Variants in TRIM9 observed in about 807,000 individuals in gnomAD.
TRIM9 encodes the protein tripartite motif containing 9, also known as E3 ubiquitin-protein ligase TRIM9.
In TRIM9, 26 loss-of-function variants were observed where a neutral mutation model predicts 78.3. The ratio of observed to expected loss-of-function variants is 0.33; its 90% CI spans 0.24 to 0.46. The LOEUF is 0.46. Among genes scored for constraint, TRIM9 ranks in the 20% least tolerant of loss-of-function variants. The pLI is 1.00. For synonymous variants in TRIM9, 398 were observed against 416.5 expected, an observed-to-expected ratio of 0.96 and a Z score of 0.54; for missense variants, 787 against 1,036.4, an observed-to-expected ratio of 0.76 and a Z score of 3.30.
chr14:50,980,093 G>A (rs913195339), intron 11 of TRIM9, among the ~76,000 whole-genome samples: 7 of 152,168 alleles, frequency 4.6e-5, no homozygotes, highest in African/African-American at 1.7e-4. Flanking sequence ...TGGATTTGGG[G>A]CCTTATGTTA....
At chr14:51,053,769 C>T (rs1488991519) in intron 1 of TRIM9, among the ~76,000 whole-genome samples, 1 of 148,748 alleles carries the variant, frequency 6.7e-6, no homozygotes, top group African/African-American at 2.6e-5. Context: ...CACCACAGTC[C>T]CCAGAGTGTG....
intron 1 of TRIM9, among the ~76,000 whole-genome samples, chr14:51,062,257 CCTGT>C (rs1335359187): frequency 1.3e-5 from 2 of 152,080 alleles, no homozygotes; most frequent in African/African-American, 4.8e-5. Flanking sequence ...TTTTGAAATG[CCTGT>C]CTGTCTGATA....
chr14:50,977,043 T>TG lies in TRIM9; in HGVS notation c.*247dup. 2.8e-6 allele frequency: 1 copy of TG among 351,156 alleles called. No homozygotes were observed. Among genetic ancestry groups the TG allele is most frequent in the Non-Finnish European group, 5.1e-6 (1 of 196,008 alleles). 21.8% of individuals were successfully genotyped at this position (351,156 alleles called of 1,614,324 possible). The stretch of plus-strand genomic sequence containing the variant: ...TGGGAGTGGGAACCAAGTGACTTGG[T>TG]GGGCTGTCTAGGTCCTTTGTTGGTT... On this transcript the variant is annotated 3_prime_UTR_variant, in exon 13 of 13. Coordinates refer to ENST00000684578, the MANE Select transcript of TRIM9 (RefSeq NM_001387360.1).
Position 50,983,414 on chromosome 14 carries a change from A to T in TRIM9, c.1800T>A (p.Asn600Lys), listed in dbSNP as rs1004022225. 2.0e-5 allele frequency: 31 copies of T among 1,543,442 alleles called. No homozygotes were observed. The highest frequency in any genetic ancestry group is 2.5e-5 in the Non-Finnish European group (29 of 1,143,096). Residue 600 changes from asparagine (N) to lysine (K), a missense_variant, in exon 9 of 13, where the codon AAT becomes AAA. Asn to Lys is a moderately conservative substitution (Grantham distance 94). Coordinates refer to ENST00000684578, the MANE Select transcript of TRIM9 (RefSeq NM_001387360.1). ...AGTAAGGTGCAGATTGTGTCTCAAA[A>T]TTGCATCCTATAAAGAGATACTACA... ...SLQSLNAPGC[N>K]FETQSAPYSQ...
intron 11 of TRIM9, 117 bp downstream of exon 11, chr14:50,981,683 G>T: frequency 7.4e-7 from 1 of 1,349,996 alleles, no homozygotes; most frequent in Non-Finnish European, 1.0e-6. Flanking sequence ...GCTACTTAAT[G>T]TAGACCACCT....
chr14:51,076,398 T>A (rs2062785122), intron 1 of TRIM9, among the ~76,000 whole-genome samples: 1 of 152,212 alleles, frequency 6.6e-6, no homozygotes. Flanking sequence ...AGGCACTGTG[T>A]CTTTGGCTGC....
intron 1 of TRIM9, among the ~76,000 whole-genome samples, chr14:51,044,876 C>G (rs1040329045): frequency 6.6e-5 from 10 of 152,168 alleles, no homozygotes; most frequent in African/African-American, 1.9e-4. Flanking sequence ...TTTCTGTCGG[C>G]AGTCATTTTT....
intron 1 of TRIM9, among the ~76,000 whole-genome samples, chr14:51,042,531 T>C (rs918036673): frequency 2.6e-5 from 4 of 152,336 alleles, no homozygotes; most frequent in South Asian, 2.1e-4. Flanking sequence ...AAGAAGTAAT[T>C]TTCATTAATG....
chr14:51,076,718 A>G (rs1177925233), intron 1 of TRIM9, among the ~76,000 whole-genome samples: 2 of 152,182 alleles, frequency 1.3e-5, no homozygotes, highest in African/African-American at 4.8e-5. Flanking sequence ...CATCTTCGCA[A>G]CAGTCCTTGG....
intron 1 of TRIM9, among the ~76,000 whole-genome samples, chr14:51,047,939 G>A (rs1404310120): frequency 4.1e-5 from 6 of 144,912 alleles, no homozygotes; most frequent in African/African-American, 1.3e-4. Context: ...CAACCTGGGC[G>A]ATACTGTGAG....
chr14:50,981,695 T>C (rs10150121), intron 11 of TRIM9, 105 bp downstream of exon 11: 589,769 of 1,448,518 alleles, frequency 0.41, 126,016 homozygotes, highest in African/African-American at 0.78. Flanking sequence ...AGACCACCTG[T>C]TTGATTTCCT....
intron 1 of TRIM9, among the ~76,000 whole-genome samples, chr14:51,081,903 C>T (rs188705668): frequency 2.7e-4 from 41 of 152,318 alleles, no homozygotes; most frequent in Middle Eastern, 3.4e-3. Flanking sequence ...TGTTCTCTAA[C>T]CTGGAAACTT....
At chr14:50,983,090 T>C in intron 9 of TRIM9, 125 bp from the exon 10 acceptor site, 3 of 899,906 alleles carry the variant, frequency 3.3e-6, no homozygotes, top group Non-Finnish European at 5.2e-6. Context: ...ATGCCACATA[T>C]ACTAAACAGG....
At chr14:51,016,705 T>A (rs1319098008) in intron 3 of TRIM9, among the ~76,000 whole-genome samples, 1 of 152,082 alleles carries the variant, frequency 6.6e-6, no homozygotes, top group African/African-American at 2.4e-5. Context: ...CCACAGACAC[T>A]GAGGAGACAG....
At chr14:51,024,579 T>C (rs987628818) in intron 2 of TRIM9, among the ~76,000 whole-genome samples, 4 of 152,234 alleles carry the variant, frequency 2.6e-5, no homozygotes, top group African/African-American at 9.6e-5. Context: ...CTTATACAGT[T>C]TATGGTTTTT....
chr14:51,006,951 A>G (rs111620401), intron 5 of TRIM9, among the ~76,000 whole-genome samples: 2,515 of 152,244 alleles, frequency 0.017, 61 homozygotes, highest in Admixed American at 0.04. Context: ...CAGTTCCCAT[A>G]CCCAGTGAAG....
intron 1 of TRIM9, among the ~76,000 whole-genome samples, chr14:51,055,839 C>G (rs11622035): frequency 0.47 from 72,013 of 152,008 alleles, 17,356 homozygotes; most frequent in Middle Eastern, 0.54. Flanking sequence ...CATTTTAGAA[C>G]CCATGAATAC....
At chr14:50,994,365 C>T (rs566822073) in intron 7 of TRIM9, among the ~76,000 whole-genome samples, 1 of 152,300 alleles carries the variant, frequency 6.6e-6, no homozygotes, top group East Asian at 1.9e-4. Flanking sequence ...TATGATTGTG[C>T]CACTGCACTG....
intron 5 of TRIM9, among the ~76,000 whole-genome samples, chr14:51,002,240 G>T (rs1055653525): frequency 2.0e-5 from 3 of 151,826 alleles, no homozygotes; most frequent in Admixed American, 6.6e-5. Flanking sequence ...TCCTGTCTCA[G>T]CCTCCCGAGT....
Sources: gnomAD v4.1 joint callset for allele counts (sites outside exome capture counted in the v4.1 genomes callset) on GRCh38, gnomAD v4.1.1 for gene constraint, MANE v1.5 for transcripts, NCBI Gene and HGNC (gene_info 2026-07-23, HGNC 2026-07-21) for gene names.